CPEB1: variants seen among roughly 807,000 people sequenced by gnomAD.
The protein encoded by CPEB1 is cytoplasmic polyadenylation element binding protein 1, also known as cytoplasmic polyadenylation element-binding protein 1.
In CPEB1, 7 loss-of-function variants were observed where a neutral mutation model predicts 65.8. The ratio of observed to expected loss-of-function variants is 0.11; its 90% CI spans 0.06 to 0.20. The LOEUF (loss-of-function observed/expected upper bound fraction) is 0.20, where lower values mean the gene tolerates loss of function less well. Among genes scored for constraint, CPEB1 ranks in the 10% least tolerant of loss-of-function variants. The pLI, the probability that CPEB1 is intolerant of heterozygous loss-of-function variation, is 1.00. For missense variants in CPEB1, 551 were observed against 712.2 expected, an observed-to-expected ratio of 0.77 and a Z score of 2.58; for synonymous variants, 262 against 260.0, an observed-to-expected ratio of 1.01 and a Z score of -0.08.
Position 82,571,550 on chromosome 15 carries a change from A to C in CPEB1, c.272-18T>G. ...CTGGAAGTCTGTTTTGGAAAGGAGC[A>C]CAGCAGAAACCTCAGAGTTAAGGGC... On this transcript the variant is annotated intron_variant, in intron 3 of 12. Coordinates refer to ENST00000684509, the MANE Select transcript of CPEB1 (RefSeq NM_001365242.1). The C allele has an allele frequency of 6.2e-7, 1 of 1,608,026 alleles. No homozygotes were observed. Among genetic ancestry groups the C allele is most frequent in the Admixed American group, 1.7e-5 (1 of 59,486 alleles).
chr15:82,556,140 A>C lies in CPEB1; in HGVS notation c.688-18T>G. On this transcript the variant is annotated intron_variant, in intron 5 of 12. Coordinates refer to ENST00000684509, the MANE Select transcript of CPEB1 (RefSeq NM_001365242.1). ...AGGCTTGACTAGGGGAGGAAAAAGGAAGACAGGGTTTTAAAGGCTAGTTTT... is the reference window on the plus strand; with the variant it reads ...AGGCTTGACTAGGGGAGGAAAAAGGCAGACAGGGTTTTAAAGGCTAGTTTT... 1 of 1,581,564 alleles carries C rather than the reference A, an allele frequency of 6.3e-7. No homozygotes were observed. Among genetic ancestry groups the C allele is most frequent in the Non-Finnish European group, 8.5e-7 (1 of 1,170,272 alleles).
At chr15:82,550,021 T>C (rs1342166613) in intron 9 of CPEB1, among the ~76,000 whole-genome samples, 1 of 152,092 alleles carries the variant, frequency 6.6e-6, no homozygotes, top group Non-Finnish European at 1.5e-5. Flanking sequence ...GAAAAGGGCA[T>C]AATCTGAAGT....
chr15:82,596,703 A>G (rs1415704548), intron 3 of CPEB1, among the ~76,000 whole-genome samples: 1 of 151,730 alleles, frequency 6.6e-6, no homozygotes, highest in Non-Finnish European at 1.5e-5. Flanking sequence ...GTCTCAAAAA[A>G]AAAAAAAAAA....
In CPEB1 at chr15:82,628,357, A is replaced by T. The variant is rs2045950940; in HGVS notation, c.96+7T>A. On this transcript the variant is annotated splice_region_variant and intron_variant, in intron 2 of 12. Transcript: ENST00000684509. Reference sequence around the variant, plus strand: ...TGGACCTTGGAGAAATCCAAGAGTTAACATACCAGAGGAATTAGCAGAAGA... The same window carrying T: ...TGGACCTTGGAGAAATCCAAGAGTTTACATACCAGAGGAATTAGCAGAAGA... The T allele has an allele frequency of 1.4e-6, 1 of 702,730 alleles. No individual in the cohort carries two copies. Among genetic ancestry groups the T allele is most frequent in the African/African-American group, 1.7e-5 (1 of 57,268 alleles). The allele number at this position is 702,730 out of a possible 1,614,324, so 43.5% of individuals were successfully genotyped here. A position where few individuals can be genotyped will look rare whatever the true frequency, so the allele number is the denominator to read the frequency against.
chr15:82,588,320 C>T (rs1033025317), intron 3 of CPEB1, among the ~76,000 whole-genome samples: 1 of 152,128 alleles, frequency 6.6e-6, no homozygotes, highest in Non-Finnish European at 1.5e-5. Context: ...CAACTTCAAA[C>T]AAGGAGGATA....
chr15:82,552,464 C>T lies in CPEB1; in HGVS notation c.1281+16G>A, dbSNP rs182412221. 4 of 1,541,402 alleles carry T rather than the reference C, an allele frequency of 2.6e-6. No homozygotes were observed. Among genetic ancestry groups the T allele is most frequent in the Non-Finnish European group, 2.6e-6 (3 of 1,149,492 alleles). ...TCCAAGACCCTCGATCCAGAAAGGA[C>T]ATCACGCTAACTCACCTCCTTGCAG... On this transcript the variant is annotated intron_variant, in intron 9 of 12. Transcript: ENST00000684509.
intron 3 of CPEB1, among the ~76,000 whole-genome samples, chr15:82,596,856 A>G (rs2042706183): frequency 6.6e-6 from 1 of 152,200 alleles, no homozygotes; most frequent in African/African-American, 2.4e-5. Context: ...TATGGAAGAC[A>G]ATCTAGCAAC....
intron 10 of CPEB1, chr15:82,548,592 C>A: frequency 2.7e-6 from 1 of 369,248 alleles, no homozygotes; most frequent in Non-Finnish European, 5.5e-6. Flanking sequence ...AGAGTGGAAG[C>A]CAAGATGCAG....
At chr15:82,606,766 C>T (rs1403538189) in intron 3 of CPEB1, among the ~76,000 whole-genome samples, 1 of 53,386 alleles carries the variant, frequency 1.9e-5, no homozygotes, top group African/African-American at 8.5e-5. Context: ...TGCAGTGAGC[C>T]GAGATCCCGC....
intron 3 of CPEB1, among the ~76,000 whole-genome samples, chr15:82,621,156 A>G (rs2045266383): frequency 6.6e-6 from 1 of 152,188 alleles, no homozygotes; most frequent in Non-Finnish European, 1.5e-5. Flanking sequence ...TTTAGTGACG[A>G]TACGGTTTAT....
At chr15:82,571,304 G>A in intron 4 of CPEB1, 40 bp downstream of exon 4, 1 of 1,583,998 alleles carries the variant, frequency 6.3e-7, no homozygotes, top group Non-Finnish European at 8.6e-7. Flanking sequence ...CCACCCCCAT[G>A]CATCCCCTTA....
chr15:82,607,129 C>T (rs926198643), intron 3 of CPEB1, among the ~76,000 whole-genome samples: 94 of 151,104 alleles, frequency 6.2e-4, no homozygotes, highest in Non-Finnish European at 3.8e-4. Flanking sequence ...AGACACAAGA[C>T]ATATGGAAAA....
chr15:82,564,728 T>G (rs2151014750), intron 4 of CPEB1, among the ~76,000 whole-genome samples: 1 of 152,262 alleles, frequency 6.6e-6, no homozygotes, highest in Non-Finnish European at 1.5e-5. Flanking sequence ...CAATACTTCT[T>G]CCCTGAGTCT....
intron 4 of CPEB1, among the ~76,000 whole-genome samples, chr15:82,558,454 G>A (rs1342486366): frequency 1.3e-5 from 2 of 152,162 alleles, no homozygotes; most frequent in African/African-American, 4.8e-5. Context: ...CAGAAATCTG[G>A]TATAGCATAA....
intron 3 of CPEB1, among the ~76,000 whole-genome samples, chr15:82,624,461 T>G (rs1432548727): frequency 6.6e-6 from 1 of 152,158 alleles, no homozygotes; most frequent in African/African-American, 2.4e-5. Context: ...AGGGTCAAGC[T>G]TAGAACCCAG....
Position 82,544,366 on chromosome 15 carries a change from G to C in CPEB1, c.*226C>G. 11 of 337,126 alleles carry C rather than the reference G, an allele frequency of 3.3e-5. No homozygotes were observed. Among genetic ancestry groups the C allele is most frequent in the African/African-American group, 4.5e-5 (2 of 44,738 alleles). The allele number at this position is 337,126 out of a possible 1,614,324, so 20.9% of individuals were successfully genotyped here. A position where few individuals can be genotyped will look rare whatever the true frequency, so the allele number is the denominator to read the frequency against. On this transcript the variant is annotated 3_prime_UTR_variant, in exon 13 of 13. Coordinates refer to ENST00000684509, the MANE Select transcript of CPEB1 (RefSeq NM_001365242.1). ...ACAGAGTCGCTTGGAGGGTAAGCCA[G>C]AGGGTCCTTGCCCTTGGTACACCCC...
chr15:82,582,439 C>T (rs2041369392), intron 3 of CPEB1, among the ~76,000 whole-genome samples: 1 of 152,170 alleles, frequency 6.6e-6, no homozygotes, highest in African/African-American at 2.4e-5. Flanking sequence ...ACCACCTTGT[C>T]AAATTCCTCG....
At chr15:82,622,366 A>G (rs963204044) in intron 3 of CPEB1, among the ~76,000 whole-genome samples, 5 of 152,012 alleles carry the variant, frequency 3.3e-5, no homozygotes, top group African/African-American at 1.2e-4. Flanking sequence ...TTTCTTGTAT[A>G]TAAACGGGGA....
At chr15:82,609,203 CTA>C (rs766905495) in intron 3 of CPEB1, among the ~76,000 whole-genome samples, 1 of 152,080 alleles carries the variant, frequency 6.6e-6, no homozygotes, top group Non-Finnish European at 1.5e-5. Context: ...TTGTAAAATC[CTA>C]TGTTAAAGAT....
Sources: allele counts gnomAD v4.1 joint callset (sites outside exome capture counted in the v4.1 genomes callset), GRCh38; gene constraint gnomAD v4.1.1; transcripts MANE v1.5; gene names NCBI Gene and HGNC (gene_info 2026-07-23, HGNC 2026-07-21).